GALNT15: variants seen among roughly 807,000 people sequenced by gnomAD.
The protein encoded by GALNT15 is polypeptide N-acetylgalactosaminyltransferase 15.
Under a neutral mutation model 66.8 loss-of-function variants are expected in GALNT15, and 67 were observed. That is an observed-to-expected ratio of 1.00 (90% CI 0.82 to 1.23). The LOEUF (loss-of-function observed/expected upper bound fraction) is 1.23. Ranked by LOEUF, GALNT15 falls within the 50% of genes most tolerant of loss-of-function variation. The probability of loss-of-function intolerance (pLI) is 0.00; values close to 1 mark genes in which losing one functional copy is unlikely to be tolerated. For synonymous variants in GALNT15, 313 were observed against 311.5 expected (o/e 1.00, Z -0.05); for missense variants, 827 against 804.3 (o/e 1.03, Z -0.34).
At chr3:16,243,227 T>G in the GALNT15 span, among the ~76,000 whole-genome samples, 10 of 152,120 alleles carry the variant, frequency 6.6e-5, no homozygotes, top group Non-Finnish European at 1.3e-4. Context: ...GTGGAGAGGG[T>G]GGGGCTTGAC....
At chr3:16,240,253 T>C in the GALNT15 span, among the ~76,000 whole-genome samples, 1 of 141,952 alleles carries the variant, frequency 7.0e-6, no homozygotes, top group Non-Finnish European at 1.6e-5. Context: ...TTCTAGTTCT[T>C]AGGATTACTT....
At position 16,209,338 on chromosome 3, in the gene GALNT15, G is replaced by A. The variant is rs1384920922; in HGVS notation, c.1079+668G>A. ...CCCCCATGGTTTCTGGGGTACATAA[G>A]GATTTTTAAAGTTTCCCAACACTAT... is the stretch of plus-strand genomic sequence containing the variant. On this transcript the variant is annotated intron_variant, in intron 4 of 9. Transcript: ENST00000339732. The surrounding 1 kb of genome is among the most constrained non-coding windows in gnomAD (Gnocchi z 4.1). Among the ~76,000 whole-genome samples the A allele has an allele frequency of 2.6e-5, 4 of 152,128 alleles. No homozygotes were observed. The highest frequency in any genetic ancestry group is 5.9e-5 in the Non-Finnish European group (4 of 68,028).
chr3:16,200,889 C>A lies in GALNT15; in HGVS notation c.911+66C>A. 1 of 1,286,656 alleles carries A rather than the reference C, an allele frequency of 7.8e-7. No individual in the cohort carries two copies. Among genetic ancestry groups the A allele is most frequent in the Non-Finnish European group, 1.1e-6 (1 of 936,228 alleles). The allele number at this position is 1,286,656 out of a possible 1,614,324, so 79.7% of individuals were successfully genotyped here. A position where few individuals can be genotyped will look rare whatever the true frequency, so the allele number is the denominator to read the frequency against. ...GGGAGAAACAGTCTACAGCATCAGC[C>A]ACTCACAGAGCAACCCACCTATTAA... On this transcript the variant is annotated intron_variant, in intron 3 of 9. Transcript: ENST00000339732. The surrounding 1 kb of genome is among the most constrained non-coding windows in gnomAD (Gnocchi z 4.4).
rs1312893083 is a variant in GALNT15, at chr3:16,191,308, A to G, written c.540-4452A>G. 1 of 984,946 alleles carries G rather than the reference A, an allele frequency of 1.0e-6. No individual in the cohort carries two copies. The highest frequency in any genetic ancestry group is 1.1e-4 in the East Asian group (1 of 8,832). 61.0% of individuals were successfully genotyped at this position (984,946 alleles called of 1,614,324 possible). A position where few individuals can be genotyped will look rare whatever the true frequency, so the allele number is the denominator to read the frequency against. On this transcript the variant is annotated intron_variant, in intron 1 of 9. Coordinates refer to ENST00000339732, the MANE Select transcript of GALNT15 (RefSeq NM_054110.5). This position sits in a 1 kb window ranked among gnomAD's most constrained non-coding sequence, Gnocchi z 5.2. Reference sequence around the variant, plus strand: ...GAACACACACTTTCAAGGCTGGAAGAGCCTGAGAGGTACCTCTTGTAGTAA... The same window carrying G: ...GAACACACACTTTCAAGGCTGGAAGGGCCTGAGAGGTACCTCTTGTAGTAA...
chr3:16,221,753 G>T (rs751912455), intron 8 of GALNT15, among the ~76,000 whole-genome samples: 1 of 152,198 alleles, frequency 6.6e-6, no homozygotes, highest in Non-Finnish European at 1.5e-5. Context: ...TCTTCCCTGA[G>T]AATTTTTAAC....
rs1209262946 is a variant in GALNT15, at chr3:16,189,069, C to T, written c.540-6691C>T. 1.3e-5 allele frequency among the ~76,000 whole-genome samples: 2 copies of T among 151,952 alleles called. No homozygotes were observed. The highest frequency in any genetic ancestry group is 2.9e-5 in the Non-Finnish European group (2 of 68,036). On this transcript the variant is annotated intron_variant, in intron 1 of 9. Transcript: ENST00000339732. This position sits in a 1 kb window ranked among gnomAD's most constrained non-coding sequence, Gnocchi z 5.1. ...CTTTATCCTTCTGAAGGGAAGTCATCCTGCATTTTAACAACAACAACAAAA... is the reference window on the plus strand; with the variant it reads ...CTTTATCCTTCTGAAGGGAAGTCATTCTGCATTTTAACAACAACAACAAAA...
intron 9 of GALNT15, among the ~76,000 whole-genome samples, chr3:16,223,973 G>T (rs1482149960): frequency 6.6e-6 from 1 of 152,140 alleles, no homozygotes; most frequent in Non-Finnish European, 1.5e-5. Context: ...GATTACAGTT[G>T]TCAGCCACCA....
chr3:16,201,470 C>T lies in GALNT15; in HGVS notation c.911+647C>T, dbSNP rs188729567. 1.2e-4 allele frequency among the ~76,000 whole-genome samples: 19 copies of T among 152,294 alleles called. No individual in the cohort carries two copies. The East Asian group carries it at 2.1e-3, about 17-fold the overall frequency. On this transcript the variant is annotated intron_variant, in intron 3 of 9. Transcript: ENST00000339732. ...TGCTGGGATTACAGGCGTGAGCCAC[C>T]GCGCCTGGCCGAAAATTCGTCAATT... is the stretch of plus-strand genomic sequence containing the variant.
chr3:16,205,695 G>C (rs2063749279), intron 3 of GALNT15, among the ~76,000 whole-genome samples: 1 of 152,118 alleles, frequency 6.6e-6, no homozygotes, highest in Admixed American at 6.5e-5. Context: ...GAAGACTGTG[G>C]GTTTTTTATT....
chr3:16,227,793 T>C lies in GALNT15; in HGVS notation c.*293T>C. ...TTCTTTGTTTTTCTCCACTGAGCAC[T>C]TAACAATTGCTTTCTCTCTGGCCTG... On this transcript the variant is annotated 3_prime_UTR_variant, in exon 10 of 10. Transcript: ENST00000339732. This position sits in a 1 kb window ranked among gnomAD's most constrained non-coding sequence, Gnocchi z 4.5. 8.7e-7 allele frequency: 1 copy of C among 1,152,292 alleles called. No individual in the cohort carries two copies. Among genetic ancestry groups the C allele is most frequent in the South Asian group, 2.4e-5 (1 of 40,838 alleles). 71.4% of individuals were successfully genotyped at this position (1,152,292 alleles called of 1,614,324 possible).
intron 2 of GALNT15, among the ~76,000 whole-genome samples, chr3:16,199,865 T>G (rs1056771175): frequency 8.5e-5 from 13 of 152,114 alleles, no homozygotes; most frequent in Non-Finnish European, 1.8e-4. Flanking sequence ...AGGGTTAAGA[T>G]TTCAGTTAGC....
intron 1 of GALNT15, among the ~76,000 whole-genome samples, chr3:16,178,505 G>T (rs1273548235): frequency 6.6e-6 from 1 of 152,170 alleles, no homozygotes; most frequent in Admixed American, 6.5e-5. Flanking sequence ...GTGCGGAGGT[G>T]CTCAGCGCCC....
Position 16,222,770 on chromosome 3 carries a change from G to T in GALNT15, c.1773+12G>T. ...GGGACTTCCAGGAGGTGAGTAATCT[G>T]TTCAGGAAGAGCCTGGTAGTGCTGC... On this transcript the variant is annotated intron_variant, in intron 9 of 9. Transcript: ENST00000339732. 1 of 1,613,574 alleles carries T rather than the reference G, an allele frequency of 6.2e-7. No homozygotes were observed. The highest frequency in any genetic ancestry group is 1.3e-5 in the African/African-American group (1 of 75,044).
At chr3:16,244,635 A>G in the GALNT15 span, among the ~76,000 whole-genome samples, 1 of 152,208 alleles carries the variant, frequency 6.6e-6, no homozygotes, top group Non-Finnish European at 1.5e-5. Context: ...GAGCCCCCAC[A>G]AAGCAGCCTC....
rs1421538006 is a variant in GALNT15 at position 16,204,959 on chromosome 3, G to GTGTGCGCGCGCA, written c.912-3535_912-3524dup. Among the ~76,000 whole-genome samples, 2 of 152,194 alleles carry GTGTGCGCGCGCA rather than the reference G, an allele frequency of 1.3e-5. No homozygotes were observed. Among genetic ancestry groups the GTGTGCGCGCGCA allele is most frequent in the Non-Finnish European group, 2.9e-5 (2 of 68,024 alleles). On this transcript the variant is annotated intron_variant, in intron 3 of 9. Coordinates refer to ENST00000339732, the MANE Select transcript of GALNT15 (RefSeq NM_054110.5). The surrounding 1 kb of genome is among the most constrained non-coding windows in gnomAD (Gnocchi z 4.5). ...GGAGCGAGCATGTGCGTGCGTGTGT[G>GTGTGCGCGCGCA]TGTGCGCGCGCATGTGCGCGTCAAG...
rs577937317 is a variant in GALNT15 at position 16,181,341 on chromosome 3, G to A, written c.539+5651G>A. On this transcript the variant is annotated intron_variant, in intron 1 of 9. Coordinates refer to ENST00000339732, the MANE Select transcript of GALNT15 (RefSeq NM_054110.5). This position sits in a 1 kb window ranked among gnomAD's most constrained non-coding sequence, Gnocchi z 5.9. ...AAAACTCCCCAGGTGGTTCTATCGTGAAGCCAGGCTGCAAGGCCCCAGGTG... is the reference window on the plus strand; with the variant it reads ...AAAACTCCCCAGGTGGTTCTATCGTAAAGCCAGGCTGCAAGGCCCCAGGTG... 1.4e-4 allele frequency among the ~76,000 whole-genome samples: 22 copies of A among 152,214 alleles called. No individual in the cohort carries two copies. The highest frequency in any genetic ancestry group is 5.3e-4 in the African/African-American group (22 of 41,542).
intron 9 of GALNT15, among the ~76,000 whole-genome samples, chr3:16,226,887 T>C (rs1174571503): frequency 1.3e-5 from 2 of 152,228 alleles, no homozygotes; most frequent in African/African-American, 2.4e-5. Flanking sequence ...CATGGTCTTC[T>C]GAACATGGCT....
rs983520660 is a variant in GALNT15, at chr3:16,189,934, C to A, written c.540-5826C>A. 6.6e-6 allele frequency among the ~76,000 whole-genome samples: 1 copy of A among 152,222 alleles called. No individual in the cohort carries two copies. Among genetic ancestry groups the A allele is most frequent in the African/African-American group, 2.4e-5 (1 of 41,462 alleles). ...GAAAGCAAGGATAGTTCTCAGAGAG[C>A]TTATGGTACTTGCCCAGGTCACATA... is the stretch of plus-strand genomic sequence containing the variant. On this transcript the variant is annotated intron_variant, in intron 1 of 9. Transcript: ENST00000339732. The surrounding 1 kb of genome is among the most constrained non-coding windows in gnomAD (Gnocchi z 5.1).
At position 16,200,664 on chromosome 3, in the gene GALNT15, G is replaced by C. The variant is rs1294700144; in HGVS notation, c.752G>C (p.Gly251Ala). The stretch of plus-strand genomic sequence containing the variant: ...AGCGAATATGTGGCCAGGCTGGAGG[G>C]GGTGAAGTTACTCAGGAGCAACAAG... Reference protein sequence around the residue: ...ALSEYVARLEGVKLLRSNKRL... With the variant: ...ALSEYVARLEAVKLLRSNKRL... Residue 251 changes from glycine (G) to alanine (A), a missense_variant, in exon 3 of 10, where the codon GGG (glycine) becomes GCG (alanine). Coordinates refer to ENST00000339732, the MANE Select transcript of GALNT15 (RefSeq NM_054110.5). The surrounding 1 kb of genome is among the most constrained non-coding windows in gnomAD (Gnocchi z 4.4). 1 of 1,602,324 alleles carries C rather than the reference G, an allele frequency of 6.2e-7. No individual in the cohort carries two copies. Among genetic ancestry groups the C allele is most frequent in the South Asian group, 1.1e-5 (1 of 88,890 alleles).
Sources: gnomAD v4.1 joint callset for allele counts (sites outside exome capture counted in the v4.1 genomes callset) on GRCh38, gnomAD v4.1.1 for gene constraint, Gnocchi (gnomAD v3.1) non-coding constraint, MANE v1.5 for transcripts, NCBI Gene and HGNC (gene_info 2026-07-23, HGNC 2026-07-21) for gene names.